The following MAP3K8 variants were observed in gnomAD, a reference collection of about 807,000 sequenced individuals.
MAP3K8 encodes the protein mitogen-activated protein kinase kinase kinase 8.
In MAP3K8, 22 loss-of-function variants were observed where a neutral mutation model predicts 45.8. That is an observed-to-expected ratio of 0.48 (90% CI 0.34 to 0.69). The LOEUF (loss-of-function observed/expected upper bound fraction) is 0.69. Ranked by LOEUF, MAP3K8 falls within the 30% of genes least tolerant of loss-of-function variation. The pLI is 0.01. For missense variants in MAP3K8, 419 were observed against 585.0 expected (o/e 0.72, Z 2.93); for synonymous variants, 223 against 214.3 (o/e 1.04, Z -0.36).
chr10:30,457,964 A>G, intron 6 of MAP3K8, 120 bp from the exon 7 acceptor site: 1 of 782,172 alleles, frequency 1.3e-6, no homozygotes, highest in Non-Finnish European at 1.9e-6. Flanking sequence ...GTTCCTGGGG[A>G]ATGCCTGCAT....
intron 2 of MAP3K8, among the ~76,000 whole-genome samples, chr10:30,438,380 A>T (rs531115715): frequency 1.3e-5 from 2 of 151,592 alleles, no homozygotes; most frequent in South Asian, 2.1e-4. Context: ...TGTAGATTGA[A>T]ATCCATTTTT....
intron 1 of MAP3K8, among the ~76,000 whole-genome samples, chr10:30,434,984 A>G (rs1368165009): frequency 6.6e-6 from 1 of 152,238 alleles, no homozygotes; most frequent in Non-Finnish European, 1.5e-5. Context: ...CTTTTGGTCT[A>G]AGAAAGAATA....
At position 30,434,196 on chromosome 10, in the gene MAP3K8, C is replaced by G. The variant is rs560299806; in HGVS notation, c.-437C>G. ...CGACGCGGGTCTCACTCGTCCGCTC[C>G]GCTCTGGACTGCGCGCCACGCTCTG... On this transcript the variant is annotated 5_prime_UTR_variant, in exon 1 of 9. Coordinates refer to ENST00000263056, the MANE Select transcript of MAP3K8 (RefSeq NM_005204.4). The G allele has an allele frequency of 6.5e-6, 1 of 153,136 alleles. No individual in the cohort carries two copies. Among genetic ancestry groups the G allele is most frequent in the South Asian group, 2.1e-4 (1 of 4,838 alleles). 9.5% of individuals were successfully genotyped at this position (153,136 alleles called of 1,614,324 possible).
At chr10:30,460,566 C>T in intron 8 of MAP3K8, 140 bp from the exon 9 acceptor site, 1 of 605,028 alleles carries the variant, frequency 1.7e-6, no homozygotes, top group South Asian at 2.3e-5. Context: ...TGAACTTAGC[C>T]ATAGTGTTCA....
In MAP3K8 at chr10:30,460,704, A is replaced by T; in HGVS notation, c.1274-2A>T. 6.2e-7 allele frequency: 1 copy of T among 1,601,120 alleles called. No homozygotes were observed. On this transcript the variant is annotated splice_acceptor_variant, in intron 8 of 8. Transcript: ENST00000263056. LOFTEE classifies it high-confidence loss of function. ...CTTACTTTGTAATGTTTTCCTTTTC[A>T]GATTCTTCGTGCACAGGAAGCACCG...
Position 30,452,477 on chromosome 10 carries a change from A to C in MAP3K8, c.873+733A>C, listed in dbSNP as rs551744018. Among the ~76,000 whole-genome samples the C allele has an allele frequency of 5.9e-5, 9 of 151,834 alleles. No individual in the cohort carries two copies. The South Asian group carries it at 1.9e-3, about 32-fold the overall frequency. ...AGAGTGAAACTCCATCTCAAAAAAA[A>C]AAAAAATTAGCTCAGTGTGGTGGTA... On this transcript the variant is annotated intron_variant, in intron 6 of 8. Coordinates refer to ENST00000263056, the MANE Select transcript of MAP3K8 (RefSeq NM_005204.4).
chr10:30,453,076 C>T (rs1836607151), intron 6 of MAP3K8, among the ~76,000 whole-genome samples: 1 of 152,028 alleles, frequency 6.6e-6, no homozygotes, highest in Admixed American at 6.6e-5. Flanking sequence ...TACAACAACC[C>T]AGTTGTTGCT....
chr10:30,439,531 C>T (rs1023173935), intron 3 of MAP3K8: 16 of 824,076 alleles, frequency 1.9e-5, no homozygotes, highest in South Asian at 6.3e-5. Context: ...GTATTTTGGC[C>T]GGGTGCAGGG....
At chr10:30,444,531 T>C (rs1167843024) in intron 3 of MAP3K8, among the ~76,000 whole-genome samples, 2 of 152,144 alleles carry the variant, frequency 1.3e-5, no homozygotes, top group African/African-American at 4.8e-5. Context: ...GAACCAGGCA[T>C]TTGCAGAACT....
At chr10:30,434,478 G>A in intron 1 of MAP3K8, 100 bp downstream of exon 1, 1 of 985,632 alleles carries the variant, frequency 1.0e-6, no homozygotes, top group South Asian at 4.7e-5. Flanking sequence ...CCCCAGCAGA[G>A]GGGAAAACTC....
At chr10:30,441,347 G>A (rs1836100229) in intron 3 of MAP3K8, among the ~76,000 whole-genome samples, 1 of 152,020 alleles carries the variant, frequency 6.6e-6, no homozygotes, top group Admixed American at 6.6e-5. Context: ...AGTAGAGATG[G>A]GTTTTCACCA....
chr10:30,448,634 T>C (rs1186559498), intron 4 of MAP3K8, among the ~76,000 whole-genome samples: 1 of 152,046 alleles, frequency 6.6e-6, no homozygotes, highest in African/African-American at 2.4e-5. Flanking sequence ...GGTTTCACCA[T>C]GTTGGCCAGG....
rs982086696 is a variant in MAP3K8, at chr10:30,437,193, C to G, written c.-237C>G. ...TGTTTTAGATGCAATCTTCTTACCGCGAAGAAGCCAGGGGAATAGGTAGCC... is the reference window on the plus strand; with the variant it reads ...TGTTTTAGATGCAATCTTCTTACCGGGAAGAAGCCAGGGGAATAGGTAGCC... On this transcript the variant is annotated 5_prime_UTR_variant, in exon 2 of 9. Coordinates refer to ENST00000263056, the MANE Select transcript of MAP3K8 (RefSeq NM_005204.4). 5.1e-6 allele frequency: 5 copies of G among 985,012 alleles called. No individual in the cohort carries two copies. The African/African-American group carries it at 8.8e-5, about 17-fold the overall frequency. 61.0% of individuals were successfully genotyped at this position (985,012 alleles called of 1,614,324 possible).
chr10:30,453,617 G>A (rs1836625364), intron 6 of MAP3K8, among the ~76,000 whole-genome samples: 1 of 152,168 alleles, frequency 6.6e-6, no homozygotes, highest in South Asian at 2.1e-4. Context: ...AGGTTCTTGT[G>A]AGCACCAACG....
At chr10:30,440,954 TC>T (rs1452872752) in intron 3 of MAP3K8, among the ~76,000 whole-genome samples, 1 of 152,106 alleles carries the variant, frequency 6.6e-6, no homozygotes, top group Non-Finnish European at 1.5e-5. Flanking sequence ...AGAAAGAAAT[TC>T]AGGAAATTTA....
intron 3 of MAP3K8, among the ~76,000 whole-genome samples, chr10:30,446,710 C>A (rs1836353393): frequency 6.6e-6 from 1 of 151,976 alleles, no homozygotes; most frequent in East Asian, 1.9e-4. Flanking sequence ...CCATGAACTA[C>A]CATATTATTT....
intron 3 of MAP3K8, among the ~76,000 whole-genome samples, chr10:30,442,103 C>T (rs759576208): frequency 1.7e-4 from 26 of 152,176 alleles, no homozygotes; most frequent in Non-Finnish European, 3.2e-4. Context: ...ATCTGCAGTG[C>T]GTCGGGTGCT....
At chr10:30,460,525 G>A (rs1015192455) in intron 8 of MAP3K8, among the ~76,000 whole-genome samples, 181 bp from the exon 9 acceptor site, 1 of 152,118 alleles carries the variant, frequency 6.6e-6, no homozygotes, top group South Asian at 2.1e-4. Flanking sequence ...ATTGACTCCT[G>A]TTTGAACTTT....
At chr10:30,438,751 C>T in intron 2 of MAP3K8, 165 bp from the exon 3 acceptor site, 2 of 549,346 alleles carry the variant, frequency 3.6e-6, no homozygotes, top group Non-Finnish European at 3.2e-6. Context: ...TCCCTTTCAA[C>T]TCTGCACTGT....
Sources: gnomAD v4.1 joint callset for allele counts (sites outside exome capture counted in the v4.1 genomes callset) on GRCh38, gnomAD v4.1.1 for gene constraint, MANE v1.5 for transcripts, NCBI Gene and HGNC (gene_info 2026-07-23, HGNC 2026-07-21) for gene names.